Variants in HRK observed in about 807,000 individuals in gnomAD.
The protein encoded by HRK is activator of apoptosis harakiri.
In HRK, 6 loss-of-function variants were observed where a neutral mutation model predicts 5.9. That is an observed-to-expected ratio of 1.02 (90% CI 0.56 to 2.01). The LOEUF (loss-of-function observed/expected upper bound fraction) is 2.01, where lower values mean the gene tolerates loss of function less well. HRK is among the 30% of genes most tolerant of loss of function. HRK has a pLI of 0.00. For missense variants in HRK, 133 were observed against 128.3 expected, an observed-to-expected ratio of 1.04 and a Z score of -0.18; for synonymous variants, 85 against 65.1, an observed-to-expected ratio of 1.31 and a Z score of -1.47.
chr12:116,871,191 A>C (rs1565884054), intron 1 of HRK, among the ~76,000 whole-genome samples: 1 of 151,864 alleles, frequency 6.6e-6, no homozygotes, highest in Non-Finnish European at 1.5e-5. Flanking sequence ...TCCTGACCTC[A>C]GGAGCTCTAC....
intron 1 of HRK, among the ~76,000 whole-genome samples, chr12:116,876,021 C>T (rs573965704): frequency 2.6e-5 from 4 of 152,240 alleles, no homozygotes; most frequent in East Asian, 3.9e-4. Context: ...CCCCACCTCT[C>T]GTTATCTGCC....
chr12:116,866,387 T>C, intron 1 of HRK, among the ~76,000 whole-genome samples: 1 of 134,698 alleles, frequency 7.4e-6, no homozygotes, highest in Admixed American at 7.6e-5. Flanking sequence ...CAAGACCCTG[T>C]CTCAAAAAAA....
Position 116,878,241 on chromosome 12 carries a change from A to T in HRK, c.*56+2735T>A, listed in dbSNP as rs1217853468. Among the ~76,000 whole-genome samples, 2 of 152,236 alleles carry T rather than the reference A, an allele frequency of 1.3e-5. No homozygotes were observed. Among genetic ancestry groups the T allele is most frequent in the Admixed American group, 6.5e-5 (1 of 15,280 alleles). On this transcript the variant is annotated intron_variant, in intron 1 of 1. Transcript: ENST00000257572. The surrounding 1 kb of genome is among the most constrained non-coding windows in gnomAD (Gnocchi z 4.4). ...TGTATGTTGAAAATATTGATTCTGCATATAGCGGAGCACACCCTTTAAACC... is the reference window on the plus strand; with the variant it reads ...TGTATGTTGAAAATATTGATTCTGCTTATAGCGGAGCACACCCTTTAAACC...
chr12:116,866,640 T>C (rs1328957502), intron 1 of HRK, among the ~76,000 whole-genome samples: 1 of 152,152 alleles, frequency 6.6e-6, no homozygotes, highest in Non-Finnish European at 1.5e-5. Context: ...GGCCCAGCTC[T>C]CTTCTATCAG....
At chr12:116,871,926 TTTTC>T (rs1338717922) in intron 1 of HRK, among the ~76,000 whole-genome samples, 1 of 152,004 alleles carries the variant, frequency 6.6e-6, no homozygotes, top group Non-Finnish European at 1.5e-5. Context: ...TCTTTTTTTT[TTTTC>T]TTTGAGATGG....
intron 1 of HRK, among the ~76,000 whole-genome samples, chr12:116,866,781 A>C (rs1406221129): frequency 6.6e-6 from 1 of 152,192 alleles, no homozygotes; most frequent in East Asian, 1.9e-4. Flanking sequence ...GACTTTCAGA[A>C]GGGTAAGCAG....
chr12:116,871,762 G>A, intron 1 of HRK, among the ~76,000 whole-genome samples: 1 of 151,466 alleles, frequency 6.6e-6, no homozygotes, highest in East Asian at 1.9e-4. Context: ...CGAGTAGCAG[G>A]ACTACAGATG....
rs1320521174 is a variant in HRK, at chr12:116,858,161, C to G, written c.*3362G>C. The G allele has an allele frequency of 6.8e-6, 1 of 146,430 alleles. No individual in the cohort carries two copies. Among genetic ancestry groups the G allele is most frequent in the African/African-American group, 2.5e-5 (1 of 39,528 alleles). The allele number at this position is 146,430 out of a possible 1,614,324, so 9.1% of individuals were successfully genotyped here. ...CGAACAAAAAAACAGGAACTGGGCTCTAAGAGATGCGCAGGGCCAAAAAAA... is the reference window on the plus strand; with the variant it reads ...CGAACAAAAAAACAGGAACTGGGCTGTAAGAGATGCGCAGGGCCAAAAAAA... On this transcript the variant is annotated 3_prime_UTR_variant, in exon 2 of 2. Transcript: ENST00000257572.
At chr12:116,864,477 C>A (rs1454075239) in intron 1 of HRK, among the ~76,000 whole-genome samples, 1 of 152,124 alleles carries the variant, frequency 6.6e-6, no homozygotes, top group Non-Finnish European at 1.5e-5. Flanking sequence ...AATGGGGTTA[C>A]AATTACCAGG....
At chr12:116,870,564 G>C (rs892673339) in intron 1 of HRK, among the ~76,000 whole-genome samples, 1 of 152,162 alleles carries the variant, frequency 6.6e-6, no homozygotes, top group African/African-American at 2.4e-5. Context: ...TGGAATCTCA[G>C]CACTTTGGAA....
rs1879075711 is a variant in HRK, at chr12:116,879,817, C to T, written c.*56+1159G>A. Among the ~76,000 whole-genome samples the T allele has an allele frequency of 1.3e-5, 2 of 152,196 alleles. No individual in the cohort carries two copies. On this transcript the variant is annotated intron_variant, in intron 1 of 1. Transcript: ENST00000257572. This position sits in a 1 kb window ranked among gnomAD's most constrained non-coding sequence, Gnocchi z 5.6. ...CGCCTTCAGGCGCCGCTCCAACTTC[C>T]CAGGGTGTCTGCGGCGCGCGGCGGG...
At chr12:116,873,854 C>T (rs1430898613) in intron 1 of HRK, among the ~76,000 whole-genome samples, 2 of 152,082 alleles carry the variant, frequency 1.3e-5, no homozygotes, top group Non-Finnish European at 2.9e-5. Flanking sequence ...CCTGGCCAAC[C>T]AGAAGTCGTA....
At chr12:116,871,312 A>G (rs1434775590) in intron 1 of HRK, among the ~76,000 whole-genome samples, 1 of 149,182 alleles carries the variant, frequency 6.7e-6, no homozygotes. Context: ...CATTAAAAAC[A>G]TTTTTTTTTA....
intron 1 of HRK, among the ~76,000 whole-genome samples, chr12:116,868,443 T>A (rs1402091093): frequency 6.7e-6 from 1 of 148,678 alleles, no homozygotes; most frequent in Non-Finnish European, 1.5e-5. Context: ...CCCCAGGTTC[T>A]CCATCTGTAC....
Position 116,856,449 on chromosome 12 carries a change from A to G in HRK, c.*5074T>C, listed in dbSNP as rs1236281172. ...GAAGAGGGTAGAAAGGAGGTAAGAA[A>G]AGCTTCCCGTGTCCTAGGAAATAAG... On this transcript the variant is annotated 3_prime_UTR_variant, in exon 2 of 2. Transcript: ENST00000257572. This position sits in a 1 kb window ranked among gnomAD's most constrained non-coding sequence, Gnocchi z 4.4. 6.6e-6 allele frequency: 1 copy of G among 152,194 alleles called. No homozygotes were observed. The highest frequency in any genetic ancestry group is 1.5e-5 in the Non-Finnish European group (1 of 68,054). The allele number at this position is 152,194 out of a possible 1,614,324, so 9.4% of individuals were successfully genotyped here. A position where few individuals can be genotyped will look rare whatever the true frequency, so the allele number is the denominator to read the frequency against.
At position 116,858,268 on chromosome 12, in the gene HRK, T is replaced by C. The variant is rs1167567753; in HGVS notation, c.*3255A>G. On this transcript the variant is annotated 3_prime_UTR_variant, in exon 2 of 2. Transcript: ENST00000257572. ...CATGGACAGCAGCCATTGGGGCCAA[T>C]GGGCTCCCCAGAGAAACTTCCTACT... 2.0e-5 allele frequency: 3 copies of C among 150,854 alleles called. No individual in the cohort carries two copies. The highest frequency in any genetic ancestry group is 7.3e-5 in the African/African-American group (3 of 40,914). 9.3% of individuals were successfully genotyped at this position (150,854 alleles called of 1,614,324 possible). A position where few individuals can be genotyped will look rare whatever the true frequency, so the allele number is the denominator to read the frequency against.
intron 1 of HRK, among the ~76,000 whole-genome samples, chr12:116,871,893 TA>T (rs1565884311): frequency 1.3e-5 from 2 of 151,800 alleles, no homozygotes; most frequent in South Asian, 4.2e-4. Context: ...CTGTGAGCAT[TA>T]AAAAAATTTG....
At chr12:116,872,344 G>A (rs574776796) in intron 1 of HRK, among the ~76,000 whole-genome samples, 4 of 152,146 alleles carry the variant, frequency 2.6e-5, no homozygotes, top group Non-Finnish European at 5.9e-5. Flanking sequence ...CAGCTCAGGC[G>A]ACAGTGTGAG....
intron 1 of HRK, among the ~76,000 whole-genome samples, chr12:116,875,304 A>T (rs752545017): frequency 3.9e-5 from 6 of 152,110 alleles, no homozygotes; most frequent in Non-Finnish European, 8.8e-5. Context: ...TTGAAGCAAA[A>T]CTTAGTAGTT....
Sources: allele counts gnomAD v4.1 joint callset (sites outside exome capture counted in the v4.1 genomes callset), GRCh38; gene constraint gnomAD v4.1.1; non-coding constraint Gnocchi (gnomAD v3.1); transcripts MANE v1.5; gene names NCBI Gene and HGNC (gene_info 2026-07-23, HGNC 2026-07-21).